The following DNAJC13 variants were observed in gnomAD, a reference collection of about 807,000 sequenced individuals.
DNAJC13 encodes the protein DnaJ heat shock protein family (Hsp40) member C13.
Under a neutral mutation model 290.5 loss-of-function variants are expected in DNAJC13, and 75 were observed. The ratio of observed to expected loss-of-function variants is 0.26; its 90% CI spans 0.21 to 0.31. The LOEUF is 0.31. DNAJC13 is among the 10% of genes least tolerant of loss of function. The pLI is 1.00. For synonymous variants in DNAJC13, 862 were observed against 892.0 expected (o/e 0.97, Z 0.60); for missense variants, 2,260 against 2,674.5 (o/e 0.85, Z 3.42).
chr3:132,453,541 C>T, intron 7 of DNAJC13, 37 bp downstream of exon 7: 1 of 1,609,238 alleles, frequency 6.2e-7, no homozygotes, highest in Non-Finnish European at 8.5e-7. Flanking sequence ...ATTTGTTCAC[C>T]TGATTTTGAC....
Position 132,522,965 on chromosome 3 carries a change from A to G in DNAJC13, c.5811A>G (p.Lys1937=), listed in dbSNP as rs768399389. The G allele has an allele frequency of 6.2e-6, 10 of 1,612,822 alleles. No homozygotes were observed. Among genetic ancestry groups the G allele is most frequent in the Non-Finnish European group, 8.5e-6 (10 of 1,179,642 alleles). ...ELIWNDNSRD[K]VSTTVREMML... ...TTTGGAATGATAATTCCAGAGATAA[A>G]GTGTCCACAACAGTTAGGGAAATGA... The change falls in exon 49 of 56, where the codon AAA becomes AAG. Residue 1937 remains lysine (K), a synonymous_variant. Coordinates refer to ENST00000260818, the MANE Select transcript of DNAJC13 (RefSeq NM_015268.4).
chr3:132,418,140 C>T (rs559382137), intron 1 of DNAJC13, among the ~76,000 whole-genome samples: 7 of 152,170 alleles, frequency 4.6e-5, no homozygotes, highest in Admixed American at 2.6e-4. Context: ...TGCTGGATGC[C>T]GGCAACTCTT....
chr3:132,538,161 C>CT lies in DNAJC13; in HGVS notation c.6626-12dup, dbSNP rs1936653828. 1 of 1,610,046 alleles carries CT rather than the reference C, an allele frequency of 6.2e-7. No individual in the cohort carries two copies. The highest frequency in any genetic ancestry group is 8.5e-7 in the Non-Finnish European group (1 of 1,177,016). On this transcript the variant is annotated splice_polypyrimidine_tract_variant and intron_variant, in intron 55 of 55. Transcript: ENST00000260818. The stretch of plus-strand genomic sequence containing the variant: ...CTGCTTTCTAGAGGTGTGTGTTTAC[C>CT]TTTCTCTCTTGCAGGACCTGGAGTT...
At chr3:132,477,701 G>A in intron 22 of DNAJC13, 88 bp from the exon 23 acceptor site, 2 of 911,320 alleles carry the variant, frequency 2.2e-6, no homozygotes, top group Non-Finnish European at 3.4e-6. Flanking sequence ...AATAAGTTTT[G>A]AACAGAAAGA....
At chr3:132,486,545 G>T (rs1302281350) in intron 29 of DNAJC13, among the ~76,000 whole-genome samples, 1 of 152,126 alleles carries the variant, frequency 6.6e-6, no homozygotes, top group Non-Finnish European at 1.5e-5. Context: ...AGTGATTAAA[G>T]ATACTTATAT....
chr3:132,420,690 C>A (rs1329180784), intron 1 of DNAJC13, among the ~76,000 whole-genome samples: 1 of 152,092 alleles, frequency 6.6e-6, no homozygotes, highest in African/African-American at 2.4e-5. Context: ...CCATCGCCCA[C>A]CAGAGAGACA....
At chr3:132,532,362 C>T (rs1346776755) in intron 55 of DNAJC13, among the ~76,000 whole-genome samples, 2 of 151,942 alleles carry the variant, frequency 1.3e-5, no homozygotes, top group Non-Finnish European at 2.9e-5. Flanking sequence ...TTTTTTTCTT[C>T]ACCATAACCA....
rs1460594003 is a variant in DNAJC13 at position 132,523,531 on chromosome 3, T to C, written c.5887-9T>C. 1 of 1,606,138 alleles carries C rather than the reference T, an allele frequency of 6.2e-7. No homozygotes were observed. The stretch of plus-strand genomic sequence containing the variant: ...AGTGACTTGACTGTGGTTCTTTCTC[T>C]ATTTAAAGTTGCCTGAAGATTTTGC... On this transcript the variant is annotated splice_polypyrimidine_tract_variant and intron_variant, in intron 50 of 55. Transcript: ENST00000260818.
intron 21 of DNAJC13, chr3:132,474,526 C>T (rs976331421): frequency 1.3e-5 from 2 of 152,522 alleles, no homozygotes; most frequent in Admixed American, 6.5e-5. Flanking sequence ...AGGTGGGAGC[C>T]ACTGCGCCTG....
At chr3:132,499,367 T>C (rs2107716793) in intron 37 of DNAJC13, 57 bp downstream of exon 37, 1 of 1,396,284 alleles carries the variant, frequency 7.2e-7, no homozygotes, top group South Asian at 1.5e-5. Flanking sequence ...TATATGACTC[T>C]TGGCAGTGAA....
At chr3:132,433,127 AAAGG>A (rs1230648410) in intron 1 of DNAJC13, among the ~76,000 whole-genome samples, 1 of 152,242 alleles carries the variant, frequency 6.6e-6, no homozygotes, top group Non-Finnish European at 1.5e-5. Flanking sequence ...CTAAATATAA[AAAGG>A]AAGGCTAAAA....
chr3:132,523,209 A>T lies in DNAJC13; in HGVS notation c.5886+10A>T. 10 of 1,613,486 alleles carry T rather than the reference A, an allele frequency of 6.2e-6. No homozygotes were observed. Among genetic ancestry groups the T allele is most frequent in the Non-Finnish European group, 8.5e-6 (10 of 1,179,542 alleles). Reference sequence around the variant, plus strand: ...TGAGGCAAACTGGAAGGTAAAATATACTTTTATTTTACATCTTATTTTCTG... The same window carrying T: ...TGAGGCAAACTGGAAGGTAAAATATTCTTTTATTTTACATCTTATTTTCTG... On this transcript the variant is annotated intron_variant, in intron 50 of 55. Transcript: ENST00000260818.
At position 132,488,362 on chromosome 3, in the gene DNAJC13, A is replaced by G. The variant is rs768445916; in HGVS notation, c.3332A>G (p.Gln1111Arg). The change falls in exon 30 of 56, where the codon CAA (glutamine) becomes CGA (arginine). Residue 1111 changes from glutamine to arginine, a missense_variant. Physicochemically the swap from Gln to Arg is conservative, Grantham distance 43. Around this residue, in one of 3 missense-constraint regions of DNAJC13, gnomAD observed 1,494 missense variants for 1,693.7 expected, o/e 0.88. Transcript: ENST00000260818. ...KVAILLYHIM[Q>R]DNPQLPRLYL... ...GCTATTTTGTTATACCATATCATGC[A>G]AGATAACCCACAGTTACCCCGCCTT... The G allele has an allele frequency of 1.2e-6, 2 of 1,613,560 alleles. No homozygotes were observed. Among genetic ancestry groups the G allele is most frequent in the South Asian group, 1.1e-5 (1 of 91,038 alleles).
chr3:132,420,016 T>C (rs1017260616), intron 1 of DNAJC13, among the ~76,000 whole-genome samples: 1 of 152,244 alleles, frequency 6.6e-6, no homozygotes, highest in Non-Finnish European at 1.5e-5. Context: ...TTCATGACTT[T>C]TTTGAAATCT....
chr3:132,538,515 GTGTA>G lies in DNAJC13; in HGVS notation c.*238_*241del, dbSNP rs1576532146. The G allele has an allele frequency of 2.1e-5, 8 of 379,674 alleles. No homozygotes were observed. The East Asian group carries it at 3.5e-4, about 17-fold the overall frequency. The allele number at this position is 379,674 out of a possible 1,614,324, so 23.5% of individuals were successfully genotyped here. A position where few individuals can be genotyped will look rare whatever the true frequency, so the allele number is the denominator to read the frequency against. ...GTACACAAGAATTTTTTTTTTCTTG[GTGTA>G]TGTAAGCACATTTGTTCCTTTATAT... is the stretch of plus-strand genomic sequence containing the variant. On this transcript the variant is annotated 3_prime_UTR_variant, in exon 56 of 56. Coordinates refer to ENST00000260818, the MANE Select transcript of DNAJC13 (RefSeq NM_015268.4).
intron 9 of DNAJC13, among the ~76,000 whole-genome samples, 157 bp downstream of exon 9, chr3:132,454,314 A>ATTTTTTTT (rs71622093): frequency 8.1e-5 from 7 of 86,122 alleles, no homozygotes; most frequent in East Asian, 3.6e-4. Context: ...CCCATTTTCA[A>ATTTTTTTT]TTTTTTTTTT....
chr3:132,490,861 G>A, intron 31 of DNAJC13, 36 bp from the exon 32 acceptor site: 1 of 1,474,380 alleles, frequency 6.8e-7, no homozygotes, highest in Non-Finnish European at 9.0e-7. Context: ...TAACTTTAGT[G>A]TTTTTGACTA....
chr3:132,465,938 C>A, intron 17 of DNAJC13, 57 bp from the exon 18 acceptor site: 1 of 1,161,782 alleles, frequency 8.6e-7, no homozygotes, highest in Non-Finnish European at 1.2e-6. Flanking sequence ...TTAAAAATTC[C>A]TTTCTGTTCT....
chr3:132,460,234 T>C lies in DNAJC13; in HGVS notation c.1450-16T>C. ...CTGCTTATGAATTATCACTGTTTTTTTTTTTTCATCAATAGCCCATGCATG... is the reference window on the plus strand; with the variant it reads ...CTGCTTATGAATTATCACTGTTTTTCTTTTTTCATCAATAGCCCATGCATG... On this transcript the variant is annotated splice_polypyrimidine_tract_variant and intron_variant, in intron 13 of 55. Transcript: ENST00000260818. 1 of 1,549,806 alleles carries C rather than the reference T, an allele frequency of 6.5e-7. No individual in the cohort carries two copies. Among genetic ancestry groups the C allele is most frequent in the Non-Finnish European group, 8.8e-7 (1 of 1,136,724 alleles).
Sources: gnomAD v4.1 joint callset for allele counts (sites outside exome capture counted in the v4.1 genomes callset) on GRCh38, gnomAD v4.1.1 for gene constraint, gnomAD v4.1.1 regional missense constraint, MANE v1.5 for transcripts, NCBI Gene and HGNC (gene_info 2026-07-23, HGNC 2026-07-21) for gene names.